Variants in DPP6 observed in about 807,000 individuals in gnomAD.
DPP6 encodes A-type potassium channel modulatory protein DPP6.
Under a neutral mutation model 122.6 loss-of-function variants are expected in DPP6, and 69 were observed. The ratio of observed to expected loss-of-function variants is 0.56; its 90% CI spans 0.46 to 0.69. The LOEUF (loss-of-function observed/expected upper bound fraction) is 0.69. DPP6 is among the 30% of genes least tolerant of loss of function. The probability of loss-of-function intolerance (pLI) is 0.00; values close to 1 mark genes in which losing one functional copy is unlikely to be tolerated. For synonymous variants in DPP6, 418 were observed against 433.1 expected, an observed-to-expected ratio of 0.97 and a Z score of 0.43; for missense variants, 928 against 1,116.9, an observed-to-expected ratio of 0.83 and a Z score of 2.41.
At chr7:153,784,591 AT>A in the DPP6 span, among the ~76,000 whole-genome samples, 1 of 152,192 alleles carries the variant, frequency 6.6e-6, no homozygotes, top group East Asian at 1.9e-4. Flanking sequence ...TATGACTTTC[AT>A]TTTAAATCTT....
chr7:153,824,351 C>G, the DPP6 span, among the ~76,000 whole-genome samples: 6 of 146,724 alleles, frequency 4.1e-5, no homozygotes, highest in Non-Finnish European at 8.9e-5. Context: ...CACACCACTG[C>G]ACTCCAGCCT....
chr7:154,796,429 G>A (rs1798053936), intron 12 of DPP6, among the ~76,000 whole-genome samples: 1 of 152,210 alleles, frequency 6.6e-6, no homozygotes, highest in Non-Finnish European at 1.5e-5. Context: ...GAGACCAAAA[G>A]AGATCAGGAG....
intron 1 of DPP6, among the ~76,000 whole-genome samples, chr7:154,012,328 A>G (rs1032956091): frequency 6.6e-6 from 1 of 152,260 alleles, no homozygotes; most frequent in Non-Finnish European, 1.5e-5. Context: ...CTAATATATA[A>G]TAGAACCAGA....
At chr7:153,878,512 A>G in the DPP6 span, among the ~76,000 whole-genome samples, 7 of 152,202 alleles carry the variant, frequency 4.6e-5, no homozygotes, top group Non-Finnish European at 5.9e-5. Context: ...AGGGAGACAG[A>G]GTGAAAGAAG....
chr7:153,959,161 C>G (rs1795220769), intron 1 of DPP6, among the ~76,000 whole-genome samples: 1 of 127,118 alleles, frequency 7.9e-6, no homozygotes, highest in African/African-American at 2.7e-5. Flanking sequence ...AACAATAAGT[C>G]AGGACTTTTT....
chr7:154,454,111 T>A (rs965843065), intron 2 of DPP6, among the ~76,000 whole-genome samples: 2 of 152,212 alleles, frequency 1.3e-5, no homozygotes, highest in Admixed American at 6.5e-5. Context: ...CTTGTTATAT[T>A]CCATCTACTA....
At chr7:154,128,847 G>A (rs375688790) in intron 1 of DPP6, among the ~76,000 whole-genome samples, 53,523 of 138,428 alleles carry the variant, frequency 0.39, 11,808 homozygotes, top group Non-Finnish European at 0.49. Flanking sequence ...GACCCTGGGA[G>A]GTATAACTAC....
Position 154,892,702 on chromosome 7 carries a change from C to T in DPP6, c.*222C>T, listed in dbSNP as rs760976079. On this transcript the variant is annotated 3_prime_UTR_variant, in exon 26 of 26. Transcript: ENST00000377770. ...ATGGCACCAGGGACAACGCTGTCCC[C>T]GCAGCAGCGCCTCCTCCCGGCGCCC... The T allele has an allele frequency of 4.1e-6, 4 of 969,848 alleles. No individual in the cohort carries two copies. The highest frequency in any genetic ancestry group is 1.8e-5 in the Admixed American group (1 of 57,098). 60.1% of individuals were successfully genotyped at this position (969,848 alleles called of 1,614,324 possible).
At chr7:154,552,916 A>C (rs1360212275) in intron 4 of DPP6, among the ~76,000 whole-genome samples, 2 of 152,188 alleles carry the variant, frequency 1.3e-5, no homozygotes, top group East Asian at 3.9e-4. Context: ...GCATTTTTTC[A>C]ATGTCAGTAA....
chr7:153,818,865 C>T, the DPP6 span, among the ~76,000 whole-genome samples: 1 of 151,836 alleles, frequency 6.6e-6, no homozygotes, highest in Non-Finnish European at 1.5e-5. Context: ...GATTCTCCTG[C>T]CTCAGCCTCC....
intron 4 of DPP6, among the ~76,000 whole-genome samples, chr7:154,559,709 G>T (rs1445631866): frequency 6.6e-6 from 1 of 151,656 alleles, no homozygotes; most frequent in Non-Finnish European, 1.5e-5. Context: ...GTGCTGGGAG[G>T]CATAAAACAC....
chr7:154,612,409 T>C (rs6966511), intron 5 of DPP6, among the ~76,000 whole-genome samples: 61,502 of 152,106 alleles, frequency 0.4, 13,448 homozygotes, highest in East Asian at 0.65. Flanking sequence ...ATTTATAAAA[T>C]ATGTAACCTT....
chr7:154,840,528 A>C (rs1270830606), intron 16 of DPP6, among the ~76,000 whole-genome samples: 1 of 152,166 alleles, frequency 6.6e-6, no homozygotes, highest in Non-Finnish European at 1.5e-5. Context: ...GAGTTTCCCA[A>C]CACACCATAA....
intron 1 of DPP6, among the ~76,000 whole-genome samples, chr7:154,203,888 A>G (rs1799300938): frequency 6.6e-6 from 1 of 152,178 alleles, no homozygotes; most frequent in Admixed American, 6.5e-5. Context: ...AGGCAGTAAC[A>G]TCTATTTTTG....
chr7:153,933,923 G>A (rs1801301344), intron 1 of DPP6, among the ~76,000 whole-genome samples: 1 of 152,188 alleles, frequency 6.6e-6, no homozygotes. Flanking sequence ...CATGTATCGT[G>A]GATCGCGTGG....
At chr7:154,452,411 A>G (rs1820462404) in intron 2 of DPP6, among the ~76,000 whole-genome samples, 1 of 152,224 alleles carries the variant, frequency 6.6e-6, no homozygotes, top group South Asian at 2.1e-4. Flanking sequence ...AGTCTTCAAC[A>G]GTGGAGAATC....
chr7:154,540,626 T>G lies in DPP6; in HGVS notation c.552T>G (p.Ile184Met), dbSNP rs758478344. The change falls in exon 4 of 26, where the codon ATT (isoleucine) becomes ATG (methionine). Residue 184 changes from isoleucine to methionine, a missense_variant and splice_region_variant. Ile to Met is a conservative substitution (Grantham distance 10). Transcript: ENST00000377770. The stretch of plus-strand genomic sequence containing the variant: ...CTGTCTTAATAGAAGGCAAAAAAAT[T>G]GTAAGTACTCTCTTTAATGACCGGG... ...TSTVLIEGKK[I>M]ESLRAIRYEI... is the part of the protein sequence containing the mutation. 8 of 1,535,216 alleles carry G rather than the reference T, an allele frequency of 5.2e-6. No homozygotes were observed. Among genetic ancestry groups the G allele is most frequent in the Non-Finnish European group, 6.2e-6 (7 of 1,128,112 alleles).
At chr7:154,533,975 G>A (rs1023952218) in intron 3 of DPP6, among the ~76,000 whole-genome samples, 6 of 150,176 alleles carry the variant, frequency 4.0e-5, no homozygotes, top group African/African-American at 1.5e-4. Context: ...TTCAGCCTAG[G>A]TAACAGAGCA....
At chr7:154,326,719 C>T (rs998785749) in intron 1 of DPP6, among the ~76,000 whole-genome samples, 2 of 152,142 alleles carry the variant, frequency 1.3e-5, no homozygotes, top group African/African-American at 4.8e-5. Flanking sequence ...GAAATAATAT[C>T]AGTTGGTTTC....
Sources: gnomAD v4.1 joint callset for allele counts (sites outside exome capture counted in the v4.1 genomes callset) on GRCh38, gnomAD v4.1.1 for gene constraint, MANE v1.5 for transcripts, NCBI Gene and HGNC (gene_info 2026-07-23, HGNC 2026-07-21) for gene names.